The following IGSF1 variants were observed in gnomAD, a reference collection of about 807,000 sequenced individuals.
The protein encoded by IGSF1 is immunoglobulin-like domain-containing protein 1.
In IGSF1, 40 loss-of-function variants were observed where a neutral mutation model predicts 95.3. The ratio of observed to expected loss-of-function variants is 0.42; its 90% CI spans 0.33 to 0.55. The LOEUF (loss-of-function observed/expected upper bound fraction) is 0.55, where lower values mean the gene tolerates loss of function less well. IGSF1 is among the 20% of genes least tolerant of loss of function. The pLI is 0.10. For synonymous variants in IGSF1, 372 were observed against 382.9 expected (o/e 0.97, Z 0.33); for missense variants, 906 against 1,025.4 (o/e 0.88, Z 1.59).
chrX:131,277,708 C>T, intron 13 of IGSF1, 148 bp downstream of exon 13: 1 of 597,162 alleles, frequency 1.7e-6, no homozygotes, highest in East Asian at 3.3e-5. Context: ...CCTGGCACTC[C>T]CAGCGCCACG....
At position 131,286,681 on chromosome X, in the gene IGSF1, T is replaced by A; in HGVS notation, c.-7A>T. On this transcript the variant is annotated 5_prime_UTR_variant, in exon 2 of 20. Coordinates refer to ENST00000361420, the MANE Select transcript of IGSF1 (RefSeq NM_001555.5). ...CTGGTCTGTCCAGGGTCATGGGGCC[T>A]CTGGTGCTGGCTGTGTGCTCTGAGT... The A allele has an allele frequency of 1.7e-6, 2 of 1,154,060 alleles. No individual in the cohort carries two copies. Among genetic ancestry groups the A allele is most frequent in the Non-Finnish European group, 2.3e-6 (2 of 869,993 alleles).
At chrX:131,288,256 G>C (rs1348821854) in intron 1 of IGSF1, among the ~76,000 whole-genome samples, 3 of 112,327 alleles carry the variant, frequency 2.7e-5, no homozygotes, top group Non-Finnish European at 5.6e-5. Context: ...TACAGTGCCA[G>C]GCACATAGTG....
In IGSF1 at chrX:131,273,573, C is replaced by T; in HGVS notation, c.*223G>A. The T allele has an allele frequency of 2.8e-6, 1 of 352,078 alleles. No individual in the cohort carries two copies. Among genetic ancestry groups the T allele is most frequent in the Non-Finnish European group, 5.0e-6 (1 of 200,319 alleles). The allele number at this position is 352,078 out of a possible 1,213,427, so 29.0% of individuals were successfully genotyped here. ...TGCATTTTTAATAGAATTTCATGCG[C>T]CAGTAAATCAGTACAGTGAGGAGTT... On this transcript the variant is annotated 3_prime_UTR_variant, in exon 20 of 20. Coordinates refer to ENST00000361420, the MANE Select transcript of IGSF1 (RefSeq NM_001555.5).
intron 11 of IGSF1, 132 bp downstream of exon 11, chrX:131,279,011 G>T (rs1603404634): frequency 1.3e-6 from 1 of 763,284 alleles, no homozygotes; most frequent in Non-Finnish European, 2.0e-6. Context: ...TTTGCCAGCA[G>T]CTTTAGCAAG....
chrX:131,285,056 G>A (rs2080613550), intron 5 of IGSF1, 123 bp downstream of exon 5: 1 of 1,084,009 alleles, frequency 9.2e-7, no homozygotes, highest in Non-Finnish European at 1.2e-6. Context: ...AACGACTGTA[G>A]CTCATGGGGC....
At chrX:131,285,710 A>C in intron 4 of IGSF1, 57 bp downstream of exon 4, 1 of 1,105,344 alleles carries the variant, frequency 9.0e-7, no homozygotes, top group South Asian at 2.1e-5. Flanking sequence ...CTCCCCTGGA[A>C]GGCAAGTTTG....
intron 1 of IGSF1, among the ~76,000 whole-genome samples, chrX:131,287,472 G>C: frequency 9.1e-6 from 1 of 110,253 alleles, no homozygotes; most frequent in Non-Finnish European, 1.9e-5. Context: ...GAATGCTTTA[G>C]ATCCAATATT....
chrX:131,280,615 G>A (rs2080544078), intron 9 of IGSF1, among the ~76,000 whole-genome samples: 1 of 111,971 alleles, frequency 8.9e-6, no homozygotes, highest in Non-Finnish European at 1.9e-5. Flanking sequence ...AATCTGTTTG[G>A]CCTGTGAGTT....
intron 16 of IGSF1, 29 bp from the exon 17 acceptor site, chrX:131,275,315 G>C: frequency 8.3e-7 from 1 of 1,197,823 alleles, no homozygotes; most frequent in Non-Finnish European, 1.1e-6. Flanking sequence ...TGGTCAAAGA[G>C]AAGAGGTCAC....
At chrX:131,279,372 T>C in intron 9 of IGSF1, 31 bp from the exon 10 acceptor site, 2 of 1,129,648 alleles carry the variant, frequency 1.8e-6, no homozygotes, top group Non-Finnish European at 2.4e-6. Context: ...ATGAGAGGAG[T>C]TGCTGGGATG....
intron 16 of IGSF1, 46 bp downstream of exon 16, chrX:131,275,432 C>A (rs779865656): frequency 8.5e-7 from 1 of 1,177,642 alleles, no homozygotes; most frequent in South Asian, 1.9e-5. Context: ...AGTCTATTCC[C>A]TCCTTTCTAC....
At chrX:131,286,311 C>T (rs2080636466) in intron 3 of IGSF1, 126 bp downstream of exon 3, 1 of 611,081 alleles carries the variant, frequency 1.6e-6, no homozygotes. Flanking sequence ...GAAACCAAGT[C>T]CTCTGATTCC....
rs764960641 is a variant in IGSF1, at chrX:131,275,732, G to A, written c.2930C>T (p.Pro977Leu). The A allele has an allele frequency of 8.3e-7, 1 of 1,211,191 alleles. No homozygotes were observed. Among genetic ancestry groups the A allele is most frequent in the Non-Finnish European group, 1.1e-6 (1 of 894,933 alleles). Residue 977 changes from proline (P) to leucine (L), a missense_variant, in exon 16 of 20, where the codon CCC becomes CTC. Transcript: ENST00000361420. ...TFPKPWLFAE[P>L]SSVVPMGQNV... Reference sequence around the variant, plus strand: ...CTGCCCCATGGGAACCACAGAACTGGGCTCAGCAAACAACCATGGCTTAGG... The same window carrying A: ...CTGCCCCATGGGAACCACAGAACTGAGCTCAGCAAACAACCATGGCTTAGG...
chrX:131,277,096 T>A lies in IGSF1; in HGVS notation c.2451A>T (p.Ile817=). ...TTGCCCAGGACCTGTCACTGGATGC[T>A]ATTTCACTTCCATCTTTGTAAAGAA... ...SFILYKDGSE[I]ASSDRSWASP... The change falls in exon 14 of 20, where the codon ATA becomes ATT. Residue 817 remains isoleucine, a synonymous_variant. Transcript: ENST00000361420. 1 of 1,211,630 alleles carries A rather than the reference T, an allele frequency of 8.3e-7. No individual in the cohort carries two copies. Among genetic ancestry groups the A allele is most frequent in the Non-Finnish European group, 1.1e-6 (1 of 895,311 alleles).
rs1339656009 is a variant in IGSF1, at chrX:131,273,874, T to G, written c.3933A>C (p.Glu1311Asp). 5.8e-6 allele frequency: 7 copies of G among 1,208,423 alleles called. No homozygotes were observed. The highest frequency in any genetic ancestry group is 6.7e-6 in the Non-Finnish European group (6 of 893,999). The change falls in exon 20 of 20, where the codon GAA becomes GAC. Residue 1311 changes from glutamate (E) to aspartate (D), a missense_variant. Physicochemically the swap from Glu to Asp is conservative, Grantham distance 45. Coordinates refer to ENST00000361420, the MANE Select transcript of IGSF1 (RefSeq NM_001555.5). ...QTIALEECNQ[E>D]GEPGTPANSP... is the part of the protein sequence containing the mutation. ...AATTGGCAGGGGTGCCTGGTTCTCCTTCTTGGTTACACTCTTCAAGGGCAA... is the reference window on the plus strand; with the variant it reads ...AATTGGCAGGGGTGCCTGGTTCTCCGTCTTGGTTACACTCTTCAAGGGCAA...
Position 131,285,398 on chromosome X carries a change from T to C in IGSF1, c.448A>G (p.Ile150Val), listed in dbSNP as rs1050418303. 12 of 1,209,606 alleles carry C rather than the reference T, an allele frequency of 9.9e-6. No individual in the cohort carries two copies. Among genetic ancestry groups the C allele is most frequent in the African/African-American group, 1.7e-5 (1 of 57,233 alleles). ...TPALPGCNVN[I>V]LCHGWLQDLV... ...TCCTGCAGCCAGCCATGGCAGAGGATGTTAACATTACACCCAGGAAGAGCG... is the reference window on the plus strand; with the variant it reads ...TCCTGCAGCCAGCCATGGCAGAGGACGTTAACATTACACCCAGGAAGAGCG... Residue 150 changes from isoleucine to valine, a missense_variant, in exon 5 of 20, where the codon ATC (isoleucine) becomes GTC (valine). Ile to Val is a conservative substitution (Grantham distance 29, BLOSUM62 3). Around this residue, in one of 5 missense-constraint regions of IGSF1, gnomAD observed 442 missense variants for 448.1 expected, o/e 0.99. Coordinates refer to ENST00000361420, the MANE Select transcript of IGSF1 (RefSeq NM_001555.5).
intron 13 of IGSF1, 28 bp downstream of exon 13, chrX:131,277,828 T>C: frequency 1.0e-6 from 1 of 993,464 alleles, no homozygotes; most frequent in Non-Finnish European, 1.4e-6. Flanking sequence ...CCCTGCCCCC[T>C]TTCCTCCCAC....
chrX:131,279,215 C>G (rs200425275), intron 10 of IGSF1, 40 bp from the exon 11 acceptor site: 14 of 1,207,337 alleles, frequency 1.2e-5, no homozygotes, highest in Middle Eastern at 2.3e-4. Flanking sequence ...CCCCCTCCCC[C>G]ACCGGGACTT....
At chrX:131,278,174 GC>G in intron 12 of IGSF1, 40 bp from the exon 13 acceptor site, 2 of 1,162,222 alleles carry the variant, frequency 1.7e-6, no homozygotes, top group Non-Finnish European at 2.3e-6. Context: ...TCAGAAGTTT[GC>G]AGTTGCCCAG....
Sources: allele counts gnomAD v4.1 joint callset (sites outside exome capture counted in the v4.1 genomes callset), GRCh38; gene constraint gnomAD v4.1.1; regional missense constraint gnomAD v4.1.1; transcripts MANE v1.5; gene names NCBI Gene and HGNC (gene_info 2026-07-23, HGNC 2026-07-21).